The following DDR2 variants were observed in gnomAD, a reference collection of about 807,000 sequenced individuals.
DDR2 encodes discoidin domain receptor tyrosine kinase 2.
A neutral mutation model predicts 94.9 loss-of-function variants in DDR2; 27 were observed. That is an observed-to-expected ratio of 0.28 (90% CI 0.21 to 0.39). DDR2 has a LOEUF of 0.39. Ranked by LOEUF, DDR2 falls within the 10% of genes least tolerant of loss-of-function variation. The pLI is 1.00. For missense variants in DDR2, 783 were observed against 1,076.0 expected (o/e 0.73, Z 3.81); for synonymous variants, 382 against 377.2 (o/e 1.01, Z -0.15).
chr1:162,729,929 G>C (rs1661940366), intron 3 of DDR2, among the ~76,000 whole-genome samples: 1 of 151,432 alleles, frequency 6.6e-6, no homozygotes, highest in Non-Finnish European at 1.5e-5. Flanking sequence ...TTTTAGTAGG[G>C]ACGAGGTTTC....
intron 3 of DDR2, 26 bp from the exon 4 acceptor site, chr1:162,753,069 T>A (rs1663292635): frequency 1.3e-6 from 2 of 1,595,902 alleles, no homozygotes; most frequent in Non-Finnish European, 1.7e-6. Context: ...TGTCCTCTCT[T>A]TTCTCTTTGG....
intron 2 of DDR2, among the ~76,000 whole-genome samples, chr1:162,666,874 T>G (rs956869604): frequency 6.7e-6 from 1 of 150,352 alleles, no homozygotes; most frequent in African/African-American, 2.4e-5. Context: ...CTTGACATTT[T>G]TCTAAAGTTT....
chr1:162,712,846 T>C (rs1377627405), intron 2 of DDR2, among the ~76,000 whole-genome samples: 2 of 152,128 alleles, frequency 1.3e-5, no homozygotes, highest in African/African-American at 4.8e-5. Flanking sequence ...TCTTCTAACT[T>C]AGTGACCCAA....
At chr1:162,740,304 A>G (rs1257757988) in intron 3 of DDR2, among the ~76,000 whole-genome samples, 1 of 152,206 alleles carries the variant, frequency 6.6e-6, no homozygotes. Context: ...CCTCCCCTCA[A>G]AATGCTTGCT....
chr1:162,772,707 GA>G (rs758443081), intron 13 of DDR2, among the ~76,000 whole-genome samples: 71 of 152,210 alleles, frequency 4.7e-4, no homozygotes, highest in Non-Finnish European at 9.7e-4. Context: ...ACTAGGGAAT[GA>G]ATCACCAACT....
chr1:162,761,642 G>A (rs1287767334), intron 9 of DDR2, among the ~76,000 whole-genome samples, 188 bp downstream of exon 9: 1 of 152,166 alleles, frequency 6.6e-6, no homozygotes, highest in East Asian at 1.9e-4. Context: ...GAGAATGGAA[G>A]TGAACAAAAT....
upstream of DDR2, among the ~76,000 whole-genome samples, chr1:162,631,769 A>G (rs1656571147): frequency 6.6e-6 from 1 of 152,192 alleles, no homozygotes; most frequent in Non-Finnish European, 1.5e-5. Context: ...AAAGTTCACA[A>G]AATAATTTAG....
chr1:162,745,694 A>G (rs1270901150), intron 3 of DDR2, among the ~76,000 whole-genome samples: 1 of 151,900 alleles, frequency 6.6e-6, no homozygotes, highest in Non-Finnish European at 1.5e-5. Context: ...CTGTTTTTTC[A>G]GGTACCATAC....
intron 2 of DDR2, among the ~76,000 whole-genome samples, chr1:162,670,258 G>GC (rs1658767536): frequency 6.6e-6 from 1 of 152,156 alleles, no homozygotes; most frequent in Non-Finnish European, 1.5e-5. Flanking sequence ...TTACAGGCAT[G>GC]CGCCACCATG....
intron 2 of DDR2, among the ~76,000 whole-genome samples, chr1:162,703,770 C>T (rs1032836743): frequency 3.3e-5 from 5 of 152,156 alleles, no homozygotes; most frequent in Non-Finnish European, 7.3e-5. Flanking sequence ...TATTCCAGTT[C>T]CTGGTTTTCA....
intron 2 of DDR2, among the ~76,000 whole-genome samples, chr1:162,707,493 A>G (rs575733039): frequency 6.6e-6 from 1 of 152,306 alleles, no homozygotes; most frequent in South Asian, 2.1e-4. Flanking sequence ...GGTCTTTCCT[A>G]AAGTCTGTTA....
rs1163458172 is a variant in DDR2, at chr1:162,759,797, A to G, written c.673A>G (p.Met225Val). Residue 225 changes from methionine (M) to valine (V), a missense_variant and splice_region_variant, in exon 8 of 18, where the codon ATG (methionine) becomes GTG (valine). This residue lies in a region of DDR2 where 519 missense variants were observed against 647.9 expected (regional missense o/e 0.80). Coordinates refer to ENST00000367921, the MANE Select transcript of DDR2 (RefSeq NM_006182.4). Reference protein sequence around the residue: ...SVYDGAVGYSMTEGLGQLTDG... With the variant: ...SVYDGAVGYSVTEGLGQLTDG... ...CTCCTCTTCTCCTGGCCTGAGCAGC[A>G]TGACAGAAGGGCTAGGCCAATTGAC... The G allele has an allele frequency of 6.2e-7, 1 of 1,613,950 alleles. No individual in the cohort carries two copies. Among genetic ancestry groups the G allele is most frequent in the Admixed American group, 1.7e-5 (1 of 60,022 alleles).
At position 162,752,673 on chromosome 1, in the gene DDR2, G is replaced by T. The variant is rs78047273; in HGVS notation, c.83-422G>T. ...TATAGTTTTTATGCAATTAACTACT[G>T]AAAAAAATAATTCTTTGGGTCATAA... is the stretch of plus-strand genomic sequence containing the variant. On this transcript the variant is annotated intron_variant, in intron 3 of 17. Transcript: ENST00000367921. 9.6e-3 allele frequency among the ~76,000 whole-genome samples: 1,457 copies of T among 152,208 alleles called. 21 individuals carry two copies. The highest frequency in any genetic ancestry group is 0.034 in the African/African-American group (1,392 of 41,528).
At chr1:162,767,170 C>T (rs2102172663) in intron 10 of DDR2, 59 bp from the exon 11 acceptor site, 1 of 1,613,094 alleles carries the variant, frequency 6.2e-7, no homozygotes, top group Non-Finnish European at 8.5e-7. Context: ...TTCAGTCCCT[C>T]ATACTTTTAC....
intron 9 of DDR2, among the ~76,000 whole-genome samples, chr1:162,763,034 G>A (rs1052478978): frequency 4.0e-5 from 6 of 151,594 alleles, no homozygotes; most frequent in Admixed American, 2.0e-4. Flanking sequence ...ATAGGGTTTC[G>A]CCATGTTGGC....
At chr1:162,753,347 T>C in intron 4 of DDR2, 150 bp downstream of exon 4, 1 of 732,236 alleles carries the variant, frequency 1.4e-6, no homozygotes, top group Non-Finnish European at 2.4e-6. Flanking sequence ...CCTGTCCTGC[T>C]CTGTATGTTT....
chr1:162,771,018 G>T (rs1510322), intron 12 of DDR2, among the ~76,000 whole-genome samples: 145,437 of 152,274 alleles, frequency 0.96, 69,816 homozygotes, highest in East Asian at 1. Flanking sequence ...TATTTTTTGT[G>T]AATTTCTCTT....
intron 2 of DDR2, among the ~76,000 whole-genome samples, chr1:162,667,837 CTTAA>C (rs1658658744): frequency 6.6e-6 from 1 of 152,132 alleles, no homozygotes; most frequent in Non-Finnish European, 1.5e-5. Flanking sequence ...TAGGCTTGGC[CTTAA>C]TTGTCATCTT....
chr1:162,780,037 T>C (rs1195348637), intron 17 of DDR2, 75 bp from the exon 18 acceptor site: 4 of 1,602,074 alleles, frequency 2.5e-6, no homozygotes, highest in Non-Finnish European at 3.4e-6. Context: ...GATGCAAAGA[T>C]ACTTCCCTTT....
Sources: allele counts gnomAD v4.1 joint callset (sites outside exome capture counted in the v4.1 genomes callset), GRCh38; gene constraint gnomAD v4.1.1; regional missense constraint gnomAD v4.1.1; transcripts MANE v1.5; gene names NCBI Gene and HGNC (gene_info 2026-07-23, HGNC 2026-07-21).